The following ZSCAN5A variants were observed in gnomAD, a reference collection of about 807,000 sequenced individuals.
ZSCAN5A encodes the protein zinc finger and SCAN domain-containing protein 5A.
ZSCAN5A carries 12 observed loss-of-function variants against 23.7 expected under a neutral mutation model. The observed-to-expected ratio is 0.51, with a 90% CI of 0.32 to 0.82. The LOEUF (loss-of-function observed/expected upper bound fraction) is 0.82. ZSCAN5A is among the 40% of genes least tolerant of loss of function. ZSCAN5A has a pLI of 0.03. For missense variants in ZSCAN5A, 597 were observed against 617.9 expected, an observed-to-expected ratio of 0.97 and a Z score of 0.36; for synonymous variants, 257 against 239.9, an observed-to-expected ratio of 1.07 and a Z score of -0.66.
Position 56,224,866 on chromosome 19 carries a change from C to T in ZSCAN5A, c.181G>A (p.Ala61Thr). Residue 61 changes from alanine (A) to threonine (T), a missense_variant, in exon 3 of 6, where the codon GCT (alanine) becomes ACT (threonine). Physicochemically the swap from Ala to Thr is moderately conservative, Grantham distance 58. This residue lies in a region of ZSCAN5A where 72 missense variants were observed against 76.8 expected (regional missense o/e 0.94). Coordinates refer to ENST00000683990, the MANE Select transcript of ZSCAN5A (RefSeq NM_001322064.3). ...SCPKESDPIQ[A>T]LRKLTELCHL... ...CACAGCTCAGTGAGTTTCCTCAGAG[C>T]CTGGATGGGGTCCGACTCCTTCGGG... The T allele has an allele frequency of 6.2e-7, 1 of 1,614,076 alleles. No individual in the cohort carries two copies. The highest frequency in any genetic ancestry group is 8.5e-7 in the Non-Finnish European group (1 of 1,179,990).
chr19:56,254,209 T>C (rs1243489716), intron 2 of ZSCAN5A, among the ~76,000 whole-genome samples: 1 of 149,522 alleles, frequency 6.7e-6, no homozygotes, highest in African/African-American at 2.5e-5. Context: ...TTTATTATTA[T>C]ACAAATCATT....
chr19:56,243,165 T>C (rs1436994091), intron 2 of ZSCAN5A, among the ~76,000 whole-genome samples: 1 of 129,136 alleles, frequency 7.7e-6, no homozygotes, highest in Non-Finnish European at 1.5e-5. Flanking sequence ...AGATTAGGAA[T>C]AGAGAAACCC....
At chr19:56,277,693 A>G (rs1427553640) in intron 2 of ZSCAN5A, among the ~76,000 whole-genome samples, 2 of 152,130 alleles carry the variant, frequency 1.3e-5, no homozygotes, top group African/African-American at 4.8e-5. Context: ...TATCTCAGTA[A>G]AGCTATTATT....
rs2041664899 is a variant in ZSCAN5A at position 56,351,088 on chromosome 19, G to C, written c.-358+12147C>G. ...GCAGTTAGGTTTACTTCTCTTTGAG[G>C]GGGGGATATTACAGGAGTTATTAAG... On this transcript the variant is annotated intron_variant, in intron 2 of 6. Transcript: ENST00000587340. The surrounding 1 kb of genome is among the most constrained non-coding windows in gnomAD (Gnocchi z 4.8). Among the ~76,000 whole-genome samples the C allele has an allele frequency of 6.6e-6, 1 of 151,958 alleles. No homozygotes were observed. Among genetic ancestry groups the C allele is most frequent in the Admixed American group, 6.6e-5 (1 of 15,240 alleles).
At position 56,221,648 on chromosome 19, in the gene ZSCAN5A, C is replaced by T. The variant is rs1172385623; in HGVS notation, c.1418G>A (p.Cys473Tyr). 1.9e-6 allele frequency: 3 copies of T among 1,614,102 alleles called. No homozygotes were observed. The highest frequency in any genetic ancestry group is 2.5e-6 in the Non-Finnish European group (3 of 1,179,986). ...SGEKPYKCSK[C>Y]PRAFSRLKLL... ...TTTCAGCCGACTGAAGGCTCTTGGACACTTGGAACATTTGTAGGGTTTCTC... is the reference window on the plus strand; with the variant it reads ...TTTCAGCCGACTGAAGGCTCTTGGATACTTGGAACATTTGTAGGGTTTCTC... The change falls in exon 6 of 6, where the codon TGT (cysteine) becomes TAT (tyrosine). Residue 473 changes from cysteine (C) to tyrosine (Y), a missense_variant. By Grantham distance (194) the Cys-to-Tyr change is radical. Around this residue, in one of 5 missense-constraint regions of ZSCAN5A, gnomAD observed 87 missense variants for 74.4 expected, o/e 1.17. Transcript: ENST00000683990.
chr19:56,243,192 G>A (rs115629263), intron 2 of ZSCAN5A, among the ~76,000 whole-genome samples: 5,845 of 133,112 alleles, frequency 0.044, 178 homozygotes, highest in South Asian at 0.17. Context: ...ACAGAAGGTA[G>A]ATCAGTGATT....
chr19:56,281,792 G>A (rs957150007), intron 2 of ZSCAN5A: 1 of 715,516 alleles, frequency 1.4e-6, no homozygotes, highest in Non-Finnish European at 1.7e-6. Flanking sequence ...AACTGCTGAC[G>A]ATCACATTCA....
At position 56,221,665 on chromosome 19, in the gene ZSCAN5A, G is replaced by A; in HGVS notation, c.1401C>T (p.Pro467=). 6.2e-7 allele frequency: 1 copy of A among 1,614,208 alleles called. No homozygotes were observed. ...CTCTTGGACACTTGGAACATTTGTA[G>A]GGTTTCTCTCCGGAGTGGATGCGCT... The part of the protein sequence containing the change: ...EHQRIHSGEK[P]YKCSKCPRAF... The change falls in exon 6 of 6, where the codon CCC becomes CCT. Residue 467 remains proline (P), a synonymous_variant. Transcript: ENST00000683990.
chr19:56,252,958 G>C (rs2036453083), intron 2 of ZSCAN5A, among the ~76,000 whole-genome samples: 1 of 152,272 alleles, frequency 6.6e-6, no homozygotes, highest in African/African-American at 2.4e-5. Flanking sequence ...TGGCGGCGCA[G>C]TGGCGCCTCT....
intron 2 of ZSCAN5A, chr19:56,247,127 C>A (rs1430266067): frequency 2.9e-6 from 2 of 680,744 alleles, no homozygotes; most frequent in Non-Finnish European, 5.3e-6. Context: ...AGATCACACA[C>A]AGGAGAGAGA....
chr19:56,311,670 T>G (rs770940926), intron 2 of ZSCAN5A, among the ~76,000 whole-genome samples: 9 of 152,128 alleles, frequency 5.9e-5, no homozygotes, highest in Non-Finnish European at 1.3e-4. Context: ...TGAGATAATA[T>G]ATATATATTT....
chr19:56,254,010 G>A (rs184637615), intron 2 of ZSCAN5A, among the ~76,000 whole-genome samples: 101 of 151,506 alleles, frequency 6.7e-4, no homozygotes, highest in South Asian at 1.5e-3. Flanking sequence ...TAACCAAAGC[G>A]TCAAACAACA....
At chr19:56,248,322 G>A (rs1188267416) in intron 2 of ZSCAN5A, among the ~76,000 whole-genome samples, 3 of 152,078 alleles carry the variant, frequency 2.0e-5, no homozygotes, top group African/African-American at 7.2e-5. Context: ...GTGCAGTGGT[G>A]TAATCACAGC....
chr19:56,321,712 G>C, intron 2 of ZSCAN5A: 2 of 1,413,928 alleles, frequency 1.4e-6, no homozygotes, highest in Non-Finnish European at 2.0e-6. Context: ...AATGTTCAAG[G>C]GCTCTTGATT....
chr19:56,330,887 A>G lies in ZSCAN5A; in HGVS notation c.-357-14619T>C, dbSNP rs1003699995. Reference sequence around the variant, plus strand: ...AGTAATAAATTTTTTTCCAAAGCCAATCTTCAGAATGGTGTTTCCTAGGTT... The same window carrying G: ...AGTAATAAATTTTTTTCCAAAGCCAGTCTTCAGAATGGTGTTTCCTAGGTT... On this transcript the variant is annotated intron_variant, in intron 2 of 6. Transcript: ENST00000587340. Among the ~76,000 whole-genome samples the G allele has an allele frequency of 7.9e-5, 12 of 152,156 alleles. No individual in the cohort carries two copies. In the East Asian group the frequency reaches 1.2e-3, roughly 15 times the overall value.
At chr19:56,241,618 T>C (rs951712173) in intron 2 of ZSCAN5A, among the ~76,000 whole-genome samples, 1 of 152,130 alleles carries the variant, frequency 6.6e-6, no homozygotes, top group Non-Finnish European at 1.5e-5. Context: ...ATCTACTCTT[T>C]TAGCAATTTC....
At chr19:56,361,999 A>G (rs2041736521) in intron 2 of ZSCAN5A, among the ~76,000 whole-genome samples, 1 of 151,664 alleles carries the variant, frequency 6.6e-6, no homozygotes, top group African/African-American at 2.4e-5. Context: ...CTATTAAAAA[A>G]TACAAAAAAT....
chr19:56,250,232 CCAGA>C (rs1451419549), intron 2 of ZSCAN5A, among the ~76,000 whole-genome samples: 1 of 152,152 alleles, frequency 6.6e-6, no homozygotes, highest in Non-Finnish European at 1.5e-5. Flanking sequence ...TTCTCCATCC[CCAGA>C]CAATTTTGAA....
chr19:56,331,837 C>T (rs1431918789), intron 2 of ZSCAN5A, among the ~76,000 whole-genome samples: 2 of 151,944 alleles, frequency 1.3e-5, no homozygotes, highest in African/African-American at 4.8e-5. Context: ...CCACCCGCCT[C>T]GGCCTCCCAA....
Sources: allele counts gnomAD v4.1 joint callset (sites outside exome capture counted in the v4.1 genomes callset), GRCh38; gene constraint gnomAD v4.1.1; regional missense constraint gnomAD v4.1.1; non-coding constraint Gnocchi (gnomAD v3.1); transcripts MANE v1.5; gene names NCBI Gene and HGNC (gene_info 2026-07-23, HGNC 2026-07-21).